The following PTPRN2 variants were observed in gnomAD, a reference collection of about 807,000 sequenced individuals.
The protein encoded by PTPRN2 is receptor-type tyrosine-protein phosphatase N2.
A neutral mutation model predicts 118.8 loss-of-function variants in PTPRN2; 74 were observed. That is an observed-to-expected ratio of 0.62 (90% CI 0.52 to 0.76). PTPRN2 has a LOEUF of 0.76. PTPRN2 is among the 30% of genes least tolerant of loss of function. The probability of loss-of-function intolerance (pLI) is 0.00; values close to 1 mark genes in which losing one functional copy is unlikely to be tolerated. For missense variants in PTPRN2, 1,481 were observed against 1,394.4 expected (o/e 1.06, Z -0.99); for synonymous variants, 641 against 608.0 (o/e 1.05, Z -0.80).
rs117852155 is a variant in PTPRN2 at position 158,208,404 on chromosome 7, A to G, written c.278-3131T>C. ...AAGAAAGAATCCTAAAATCTGCAAA[A>G]GAAAATAAACAAACAAACAAAAATA... On this transcript the variant is annotated intron_variant, in intron 3 of 22. Transcript: ENST00000389418. 2.6e-3 allele frequency among the ~76,000 whole-genome samples: 394 copies of G among 152,286 alleles called. 3 individuals are homozygous for G. The highest frequency in any genetic ancestry group is 0.02 in the Middle Eastern group (6 of 294).
chr7:158,417,254 A>C (rs941171269), intron 2 of PTPRN2, among the ~76,000 whole-genome samples: 9 of 151,744 alleles, frequency 5.9e-5, no homozygotes, highest in Non-Finnish European at 1.5e-5. Flanking sequence ...TGCTGTGTTA[A>C]GTCATGGTGT....
In PTPRN2 at chr7:157,902,369, G is replaced by A. The variant is rs199754990; in HGVS notation, c.1724-3632C>T. On this transcript the variant is annotated intron_variant, in intron 11 of 22. Coordinates refer to ENST00000389418, the MANE Select transcript of PTPRN2 (RefSeq NM_002847.5). ...AGCCCCGCGGTGGCCTGGAGAGTACGTGGAAATCAACCTCACCGTGGCCTC... is the reference window on the plus strand; with the variant it reads ...AGCCCCGCGGTGGCCTGGAGAGTACATGGAAATCAACCTCACCGTGGCCTC... Among the ~76,000 whole-genome samples the A allele has an allele frequency of 8.6e-5, 13 of 150,720 alleles. No homozygotes were observed. The East Asian group carries it at 1.8e-3, about 21-fold the overall frequency.
rs756868498 is a variant in PTPRN2, at chr7:158,043,795, C to A, written c.1723+37503G>T. Among the ~76,000 whole-genome samples, 12 of 152,228 alleles carry A rather than the reference C, an allele frequency of 7.9e-5. 1 individual carries two copies. The highest frequency in any genetic ancestry group is 1.3e-4 in the Non-Finnish European group (9 of 68,050). On this transcript the variant is annotated intron_variant, in intron 11 of 22. Coordinates refer to ENST00000389418, the MANE Select transcript of PTPRN2 (RefSeq NM_002847.5). Reference sequence around the variant, plus strand: ...TGCAGACACTTCTGGAAAGACCCACCATTTCTTCAGAAATGACACTTCACA... The same window carrying A: ...TGCAGACACTTCTGGAAAGACCCACAATTTCTTCAGAAATGACACTTCACA...
intron 11 of PTPRN2, among the ~76,000 whole-genome samples, chr7:157,967,404 C>T (rs1043165497): frequency 4.6e-5 from 7 of 152,210 alleles, no homozygotes; most frequent in Admixed American, 3.3e-4. Flanking sequence ...AGCTGCACTC[C>T]TTTCTGAATG....
intron 2 of PTPRN2, among the ~76,000 whole-genome samples, chr7:158,342,248 C>T (rs71200504): frequency 7.0e-6 from 1 of 142,466 alleles, no homozygotes. Context: ...TAAGAGCTGA[C>T]GCCCGCAGAC....
At chr7:158,432,167 G>A (rs1816258581) in intron 2 of PTPRN2, among the ~76,000 whole-genome samples, 1 of 152,214 alleles carries the variant, frequency 6.6e-6, no homozygotes, top group African/African-American at 2.4e-5. Context: ...AATGACGTGT[G>A]AGGGAGAAGA....
intron 12 of PTPRN2, among the ~76,000 whole-genome samples, chr7:157,875,054 G>C (rs1421759510): frequency 6.6e-6 from 1 of 150,518 alleles, no homozygotes; most frequent in Non-Finnish European, 1.5e-5. Flanking sequence ...CGCACACACA[G>C]ACACACACAC....
At chr7:157,612,854 G>A (rs1022300854) in intron 15 of PTPRN2, among the ~76,000 whole-genome samples, 12 of 152,208 alleles carry the variant, frequency 7.9e-5, no homozygotes, top group Non-Finnish European at 1.5e-4. Context: ...GGGGTGAAGC[G>A]GGGAAGCGGG....
rs1563576485 is a variant in PTPRN2, at chr7:158,188,215, TGATGGGGAAGGCCGCCACGCTTGCCCCGC to T, written c.549+4083_549+4111del. 8.3e-3 allele frequency among the ~76,000 whole-genome samples: 199 copies of T among 23,880 alleles called. 10 individuals are homozygous for T. Among genetic ancestry groups the T allele is most frequent in the Non-Finnish European group, 0.012 (93 of 7,880 alleles). The allele number at this position is 23,880 out of a possible 152,430, so 15.7% of individuals were successfully genotyped here. A position where few individuals can be genotyped will look rare whatever the true frequency, so the allele number is the denominator to read the frequency against. ...GGGGAAGGCCGCCACGCTCGCCGCC[TGATGGGGAAGGCCGCCACGCTTGCCCCGC>T]GATGGGGAAGGCCGCCACGCTCGCC... is the stretch of plus-strand genomic sequence containing the variant. On this transcript the variant is annotated intron_variant, in intron 5 of 22. Transcript: ENST00000389418.
At chr7:157,713,055 G>A (rs993844681) in intron 12 of PTPRN2, among the ~76,000 whole-genome samples, 1 of 152,246 alleles carries the variant, frequency 6.6e-6, no homozygotes, top group African/African-American at 2.4e-5. Flanking sequence ...GGCTGTGGGC[G>A]GGATTGTTCT....
intron 14 of PTPRN2, among the ~76,000 whole-genome samples, chr7:157,625,705 C>T (rs1803529188): frequency 6.6e-6 from 1 of 152,084 alleles, no homozygotes; most frequent in South Asian, 2.1e-4. Context: ...CTAAATACCA[C>T]CTGTACCCCA....
Position 157,792,563 on chromosome 7 carries a change from C to T in PTPRN2, c.1788+106110G>A, listed in dbSNP as rs552207900. The stretch of plus-strand genomic sequence containing the variant: ...CTGCACGTCCAGGGCATCTGCTAGT[C>T]GTCTTTGCCTGCTCCCCAGTGTCCC... On this transcript the variant is annotated intron_variant, in intron 12 of 22. Coordinates refer to ENST00000389418, the MANE Select transcript of PTPRN2 (RefSeq NM_002847.5). Among the ~76,000 whole-genome samples the T allele has an allele frequency of 2.0e-5, 3 of 152,336 alleles. No individual in the cohort carries two copies. In the South Asian group the frequency reaches 6.2e-4, roughly 32 times the overall value.
chr7:157,705,299 C>CCAAAA (rs372000528), intron 12 of PTPRN2, among the ~76,000 whole-genome samples: 6 of 152,114 alleles, frequency 3.9e-5, no homozygotes, highest in African/African-American at 7.2e-5. Flanking sequence ...GAGTGAGACT[C>CCAAAA]CAAAACAAAA....
chr7:158,406,144 G>A (rs1170920093), intron 2 of PTPRN2, among the ~76,000 whole-genome samples: 3 of 112,340 alleles, frequency 2.7e-5, no homozygotes, highest in African/African-American at 7.2e-5. Context: ...ACACGTGGCC[G>A]CACACTGAGA....
chr7:158,050,970 A>G (rs114673599), intron 11 of PTPRN2, among the ~76,000 whole-genome samples: 3,440 of 152,286 alleles, frequency 0.023, 127 homozygotes, highest in African/African-American at 0.079. Flanking sequence ...CCTGGAGTGG[A>G]AGGTCACCCA....
intron 3 of PTPRN2, among the ~76,000 whole-genome samples, chr7:158,248,951 T>C (rs2150884384): frequency 6.9e-6 from 1 of 145,896 alleles, no homozygotes; most frequent in Admixed American, 6.8e-5. Flanking sequence ...TGCACCCACA[T>C]CACATACATG....
At chr7:157,778,144 T>C (rs1054387596) in intron 12 of PTPRN2, among the ~76,000 whole-genome samples, 2 of 152,228 alleles carry the variant, frequency 1.3e-5, no homozygotes, top group African/African-American at 4.8e-5. Context: ...CCTGTTTTCC[T>C]CCCTGGGGAC....
At chr7:157,740,029 A>T (rs994585139) in intron 12 of PTPRN2, among the ~76,000 whole-genome samples, 1 of 152,136 alleles carries the variant, frequency 6.6e-6, no homozygotes, top group African/African-American at 2.4e-5. Context: ...CTTTTCATTA[A>T]TTTTTTTATA....
At chr7:158,285,735 C>T (rs900640294) in intron 3 of PTPRN2, among the ~76,000 whole-genome samples, 5 of 152,220 alleles carry the variant, frequency 3.3e-5, no homozygotes, top group Non-Finnish European at 5.9e-5. Context: ...CAGCGTAGAG[C>T]GCGGGCTGTC....
Sources: gnomAD v4.1 joint callset for allele counts (sites outside exome capture counted in the v4.1 genomes callset) on GRCh38, gnomAD v4.1.1 for gene constraint, MANE v1.5 for transcripts, NCBI Gene and HGNC (gene_info 2026-07-23, HGNC 2026-07-21) for gene names.